Variants in CHDH observed in about 807,000 individuals in gnomAD.
The protein encoded by CHDH is choline dehydrogenase.
Under a neutral mutation model 56.9 loss-of-function variants are expected in CHDH, and 43 were observed. That is an observed-to-expected ratio of 0.76 (90% CI 0.59 to 0.97). The LOEUF (loss-of-function observed/expected upper bound fraction) is 0.97, where lower values mean the gene tolerates loss of function less well. Among genes scored for constraint, CHDH ranks in the 50% least tolerant of loss-of-function variants. The pLI is 0.00. For synonymous variants in CHDH, 364 were observed against 348.5 expected, an observed-to-expected ratio of 1.04 and a Z score of -0.50; for missense variants, 816 against 821.1, an observed-to-expected ratio of 0.99 and a Z score of 0.08.
intron 4 of CHDH, 63 bp downstream of exon 4, chr3:53,822,428 A>C: frequency 6.7e-7 from 1 of 1,496,934 alleles, no homozygotes. Flanking sequence ...GCCCACTCTG[A>C]GCTGGACCAC....
intron 1 of CHDH, among the ~76,000 whole-genome samples, chr3:53,842,387 C>T (rs1179792387): frequency 3.3e-5 from 5 of 152,176 alleles, no homozygotes; most frequent in East Asian, 1.9e-4. Flanking sequence ...TACGGCCCAA[C>T]GTAGGGTGAC....
chr3:53,845,771 G>A (rs1443224823), intron 1 of CHDH, among the ~76,000 whole-genome samples: 1 of 152,192 alleles, frequency 6.6e-6, no homozygotes, highest in Non-Finnish European at 1.5e-5. Flanking sequence ...TTCCGCTTTG[G>A]GAGCCCCAGG....
intron 1 of CHDH, among the ~76,000 whole-genome samples, chr3:53,842,911 G>A (rs1243183090): frequency 1.3e-5 from 2 of 152,200 alleles, no homozygotes; most frequent in African/African-American, 4.8e-5. Context: ...ACCACCAGGG[G>A]CCCTGGGAGA....
chr3:53,844,006 GA>G (rs1698764401), intron 1 of CHDH, among the ~76,000 whole-genome samples: 3 of 152,160 alleles, frequency 2.0e-5, no homozygotes, highest in Admixed American at 6.5e-5. Context: ...AGCTAGGGGG[GA>G]AAACCCCCGA....
At chr3:53,818,675 T>TC (rs1046985344) in intron 8 of CHDH, among the ~76,000 whole-genome samples, 159 of 152,342 alleles carry the variant, frequency 1.0e-3, no homozygotes, top group African/African-American at 3.7e-3. Flanking sequence ...TGGCGTGGTC[T>TC]CCCTGCACAT....
rs1390312836 is a variant in CHDH, at chr3:53,819,979, C to T, written c.1121-305G>A. 6.6e-6 allele frequency among the ~76,000 whole-genome samples: 1 copy of T among 152,264 alleles called. No individual in the cohort carries two copies. Among genetic ancestry groups the T allele is most frequent in the East Asian group, 1.9e-4 (1 of 5,202 alleles). ...TCTTCCCACTACCTAGCACAGCACA[C>T]AGCACATACTAGGTGTGTGAGAAAT... On this transcript the variant is annotated intron_variant, in intron 6 of 8. Transcript: ENST00000315251. The surrounding 1 kb of genome is among the most constrained non-coding windows in gnomAD (Gnocchi z 5.4).
intron 1 of CHDH, among the ~76,000 whole-genome samples, chr3:53,841,624 C>T (rs764912582): frequency 1.3e-5 from 2 of 152,194 alleles, no homozygotes; most frequent in African/African-American, 4.8e-5. Flanking sequence ...TGGGTTTAAC[C>T]GCAGAGGGTC....
chr3:53,820,599 T>C lies in CHDH; in HGVS notation c.995A>G (p.Gln332Arg), dbSNP rs750596777. Reference protein sequence around the residue: ...PVVCHLPGVGQNLQDHLEIYI... With the variant: ...PVVCHLPGVGRNLQDHLEIYI... ...GATCTCCAGGTGGTCTTGCAGGTTC[T>C]GGCCAACCCCTGATACGGGAAGGAG... Residue 332 changes from glutamine to arginine, a missense_variant, in exon 6 of 9, where the codon CAG becomes CGG. Coordinates refer to ENST00000315251, the MANE Select transcript of CHDH (RefSeq NM_018397.5). 6.8e-6 allele frequency: 11 copies of C among 1,609,114 alleles called. No homozygotes were observed. The highest frequency in any genetic ancestry group is 9.3e-6 in the Non-Finnish European group (11 of 1,177,944).
intron 2 of CHDH, among the ~76,000 whole-genome samples, chr3:53,831,157 C>T (rs920002526): frequency 1.3e-5 from 2 of 152,152 alleles, no homozygotes; most frequent in Non-Finnish European, 2.9e-5. Flanking sequence ...CTGTGGTGGT[C>T]GCCATGGTGT....
intron 2 of CHDH, among the ~76,000 whole-genome samples, chr3:53,838,813 T>C: frequency 6.6e-6 from 1 of 152,112 alleles, no homozygotes; most frequent in Non-Finnish European, 1.5e-5. Flanking sequence ...AAATGCACTA[T>C]CCGGGGAGGA....
At chr3:53,824,372 G>A (rs1397212165) in intron 2 of CHDH, among the ~76,000 whole-genome samples, 2 of 152,208 alleles carry the variant, frequency 1.3e-5, no homozygotes, top group East Asian at 3.9e-4. Flanking sequence ...AAGGCAGGGG[G>A]GCAAAGGGCT....
chr3:53,832,882 GA>G (rs1378609822), intron 2 of CHDH, among the ~76,000 whole-genome samples: 2 of 152,200 alleles, frequency 1.3e-5, no homozygotes, highest in African/African-American at 4.8e-5. Context: ...ACAACATTGT[GA>G]ATATACTTAA....
Position 53,817,649 on chromosome 3 carries a change from ACT to A in CHDH, c.*126_*127del. On this transcript the variant is annotated 3_prime_UTR_variant, in exon 9 of 9. Coordinates refer to ENST00000315251, the MANE Select transcript of CHDH (RefSeq NM_018397.5). ...CCAAGACTTTATCCAATTCTCAGCC[ACT>A]GAGTAGGGTACCACCTGGGTCCTAG... 4 of 723,150 alleles carry A rather than the reference ACT, an allele frequency of 5.5e-6. No homozygotes were observed. The highest frequency in any genetic ancestry group is 6.7e-6 in the Non-Finnish European group (3 of 447,084). The allele number at this position is 723,150 out of a possible 1,614,324, so 44.8% of individuals were successfully genotyped here.
At chr3:53,832,355 C>G (rs1424324456) in intron 2 of CHDH, among the ~76,000 whole-genome samples, 2 of 152,042 alleles carry the variant, frequency 1.3e-5, no homozygotes, top group African/African-American at 4.8e-5. Context: ...CATGGTGAAA[C>G]CCCATCTCTA....
intron 2 of CHDH, among the ~76,000 whole-genome samples, chr3:53,836,613 C>T (rs936116687): frequency 1.3e-5 from 2 of 152,262 alleles, no homozygotes; most frequent in Admixed American, 6.5e-5. Context: ...GCCCACATCC[C>T]TGGCTGAGGG....
rs368032483 is a variant in CHDH at position 53,820,619 on chromosome 3, A to G, written c.986-11T>C. On this transcript the variant is annotated splice_polypyrimidine_tract_variant and intron_variant, in intron 5 of 8. Transcript: ENST00000315251. The stretch of plus-strand genomic sequence containing the variant: ...GGTTCTGGCCAACCCCTGATACGGG[A>G]AGGAGTGGTTTAGAAAATGGCTACC... 1.1e-4 allele frequency: 180 copies of G among 1,606,216 alleles called. No homozygotes were observed. Among genetic ancestry groups the G allele is most frequent in the Non-Finnish European group, 1.4e-4 (164 of 1,176,772 alleles).
chr3:53,817,816 G>A lies in CHDH; in HGVS notation c.1746C>T (p.Val582=). The A allele has an allele frequency of 6.2e-7, 1 of 1,613,274 alleles. No individual in the cohort carries two copies. Among genetic ancestry groups the A allele is most frequent in the South Asian group, 1.1e-5 (1 of 90,994 alleles). The change falls in exon 9 of 9, where the codon GTC becomes GTT. Residue 582 remains valine (V), a synonymous_variant. Coordinates refer to ENST00000315251, the MANE Select transcript of CHDH (RefSeq NM_018397.5). ...KGQPALWDKD[V]PVYKPRTLAT... is the part of the protein sequence containing the mutation. The stretch of plus-strand genomic sequence containing the variant: ...CCAGCGTCCTGGGCTTGTAGACAGG[G>A]ACATCTTTGTCCCAGAGTGCAGGCT...
Position 53,829,828 on chromosome 3 carries a change from G to C in CHDH, c.-59-5761C>G, listed in dbSNP as rs74409240. ...CCTTCACAGACAAGCCTGGGTGCTT[G>C]CCCTCCTCACCCTATAAAGCTCCAT... is the stretch of plus-strand genomic sequence containing the variant. On this transcript the variant is annotated intron_variant, in intron 2 of 8. Coordinates refer to ENST00000315251, the MANE Select transcript of CHDH (RefSeq NM_018397.5). Among the ~76,000 whole-genome samples, 6 of 152,268 alleles carry C rather than the reference G, an allele frequency of 3.9e-5. 1 individual carries two copies. The highest frequency in any genetic ancestry group is 4.1e-4 in the South Asian group (2 of 4,822).
intron 5 of CHDH, 100 bp from the exon 6 acceptor site, chr3:53,820,708 C>T (rs988563088): frequency 7.0e-7 from 1 of 1,426,348 alleles, no homozygotes; most frequent in Admixed American, 2.0e-5. Flanking sequence ...ATTCCCTTAT[C>T]TTCTGGACCA....
Sources: gnomAD v4.1 joint callset for allele counts (sites outside exome capture counted in the v4.1 genomes callset) on GRCh38, gnomAD v4.1.1 for gene constraint, Gnocchi (gnomAD v3.1) non-coding constraint, MANE v1.5 for transcripts, NCBI Gene and HGNC (gene_info 2026-07-23, HGNC 2026-07-21) for gene names.